The following CHRNA7 variants were observed in gnomAD, a reference collection of about 807,000 sequenced individuals.
CHRNA7 encodes the protein cholinergic receptor nicotinic alpha 7 subunit, also known as neuronal acetylcholine receptor subunit alpha-7.
A neutral mutation model predicts 48.0 loss-of-function variants in CHRNA7; 17 were observed. The observed-to-expected ratio is 0.35, with a 90% CI of 0.24 to 0.53. The LOEUF (loss-of-function observed/expected upper bound fraction) is 0.53. CHRNA7 is among the 20% of genes least tolerant of loss of function. The pLI, the probability that CHRNA7 is intolerant of heterozygous loss-of-function variation, is 0.92. For synonymous variants in CHRNA7, 75 were observed against 242.3 expected (o/e 0.31, Z 6.41); for missense variants, 155 against 577.7 (o/e 0.27, Z 7.50).
At chr15:32,120,628 AGAG>A (rs1311813127) in intron 4 of CHRNA7, among the ~76,000 whole-genome samples, 1 of 151,860 alleles carries the variant, frequency 6.6e-6, no homozygotes, top group Non-Finnish European at 1.5e-5. Context: ...AATTTCAAGC[AGAG>A]GACAGGTGCT....
intron 3 of CHRNA7, among the ~76,000 whole-genome samples, chr15:32,103,463 C>G (rs1241332171): frequency 2.0e-5 from 3 of 151,774 alleles, no homozygotes; most frequent in Admixed American, 2.0e-4. Context: ...AAAGCCATTG[C>G]TAGGTCTCCA....
At chr15:32,125,372 T>G (rs1442882149) in intron 4 of CHRNA7, among the ~76,000 whole-genome samples, 2 of 151,738 alleles carry the variant, frequency 1.3e-5, no homozygotes, top group Non-Finnish European at 1.5e-5. Context: ...AGTAAAAGAG[T>G]CAGGAAGCAG....
intron 4 of CHRNA7, among the ~76,000 whole-genome samples, chr15:32,144,216 T>G (rs1280168142): frequency 1.3e-5 from 2 of 152,298 alleles, no homozygotes; most frequent in African/African-American, 2.4e-5. Flanking sequence ...GGGTTGAAAA[T>G]TCTTTAAGAA....
intron 2 of CHRNA7, among the ~76,000 whole-genome samples, chr15:32,067,857 TA>T (rs1407880850): frequency 6.6e-6 from 1 of 152,180 alleles, no homozygotes; most frequent in Non-Finnish European, 1.5e-5. Flanking sequence ...ATGTTAATTG[TA>T]ATTCCCGGGA....
chr15:32,166,142 A>T (rs545984154), intron 9 of CHRNA7: 1 of 152,342 alleles, frequency 6.6e-6, no homozygotes, highest in East Asian at 1.9e-4. Context: ...ATGTGAAGTG[A>T]CATAACCACT....
At chr15:32,082,158 A>G (rs770982090) in intron 2 of CHRNA7, among the ~76,000 whole-genome samples, 4 of 152,004 alleles carry the variant, frequency 2.6e-5, no homozygotes, top group Non-Finnish European at 5.9e-5. Flanking sequence ...ATTTTTAGAA[A>G]TTTGACTGTG....
At chr15:32,061,712 G>A (rs548762275) in intron 2 of CHRNA7, among the ~76,000 whole-genome samples, 2 of 152,276 alleles carry the variant, frequency 1.3e-5, no homozygotes, top group Non-Finnish European at 2.9e-5. Context: ...GGATGCTGAG[G>A]CAGGAGAATT....
chr15:32,105,945 C>T (rs552741808), intron 3 of CHRNA7, among the ~76,000 whole-genome samples: 9 of 152,112 alleles, frequency 5.9e-5, no homozygotes, highest in Non-Finnish European at 1.3e-4. Context: ...CTCTGCTCCC[C>T]GCCCCCACCC....
At chr15:32,114,061 C>T (rs10680881) in intron 4 of CHRNA7, among the ~76,000 whole-genome samples, 2,174 of 120,032 alleles carry the variant, frequency 0.018, 74 homozygotes, top group African/African-American at 0.063. Context: ...TATATATATA[C>T]ATATATATAT....
intron 2 of CHRNA7, among the ~76,000 whole-genome samples, chr15:32,050,575 T>G (rs2049650127): frequency 6.6e-6 from 1 of 152,204 alleles, no homozygotes; most frequent in African/African-American, 2.4e-5. Context: ...TTTCAACTTC[T>G]TTGCCTTTGG....
At chr15:32,083,779 A>G (rs1566826825) in intron 2 of CHRNA7, among the ~76,000 whole-genome samples, 1 of 152,198 alleles carries the variant, frequency 6.6e-6, no homozygotes, top group Admixed American at 6.5e-5. Context: ...ATTTATGCAA[A>G]CTATTTAATC....
At chr15:32,158,310 GCAAACTTTA>G in intron 6 of CHRNA7, 93 bp from the exon 7 acceptor site, 1 of 555,792 alleles carries the variant, frequency 1.8e-6, no homozygotes, top group Non-Finnish European at 2.3e-6. Context: ...TTAGCACTTT[GCAAACTTTA>G]GGACTGTGCT....
intron 2 of CHRNA7, among the ~76,000 whole-genome samples, chr15:32,031,860 A>G (rs1464514436): frequency 6.6e-6 from 1 of 152,246 alleles, no homozygotes; most frequent in Non-Finnish European, 1.5e-5. Context: ...TGTCTTGTCT[A>G]TACGGAGTAT....
At chr15:32,038,970 TTTC>T (rs2049400047) in intron 2 of CHRNA7, among the ~76,000 whole-genome samples, 1 of 152,216 alleles carries the variant, frequency 6.6e-6, no homozygotes, top group Admixed American at 6.5e-5. Flanking sequence ...AAATTGTTTA[TTTC>T]TTCTTGTTTG....
chr15:32,031,707 C>G (rs1312720327), intron 2 of CHRNA7, among the ~76,000 whole-genome samples: 2 of 152,228 alleles, frequency 1.3e-5, no homozygotes, highest in Non-Finnish European at 2.9e-5. Flanking sequence ...TGCAGCCTTG[C>G]TAGTGCCCAC....
At chr15:32,036,330 A>T (rs1250709883) in intron 2 of CHRNA7, among the ~76,000 whole-genome samples, 1 of 152,030 alleles carries the variant, frequency 6.6e-6, no homozygotes, top group Non-Finnish European at 1.5e-5. Flanking sequence ...TTATCCATTC[A>T]CCTCCGGAAG....
intron 2 of CHRNA7, among the ~76,000 whole-genome samples, chr15:32,087,391 T>C (rs982043077): frequency 6.6e-6 from 1 of 152,200 alleles, no homozygotes; most frequent in Non-Finnish European, 1.5e-5. Context: ...GTATATTTCC[T>C]GCCCAACACC....
At chr15:32,114,039 T>C (rs1348771819) in intron 4 of CHRNA7, among the ~76,000 whole-genome samples, 6 of 72,976 alleles carry the variant, frequency 8.2e-5, no homozygotes, top group African/African-American at 1.1e-4. Context: ...TATATATATA[T>C]ATATGTATAT....
chr15:32,051,878 C>T (rs1263991997), intron 2 of CHRNA7, among the ~76,000 whole-genome samples: 3 of 152,098 alleles, frequency 2.0e-5, no homozygotes, highest in African/African-American at 2.4e-5. Flanking sequence ...GGTTTCAAGA[C>T]GTTCCCCAGG....
Sources: gnomAD v4.1 joint callset for allele counts (sites outside exome capture counted in the v4.1 genomes callset) on GRCh38, gnomAD v4.1.1 for gene constraint, MANE v1.5 for transcripts, NCBI Gene and HGNC (gene_info 2026-07-23, HGNC 2026-07-21) for gene names.